The following AGBL4 variants were observed in gnomAD, a reference collection of about 807,000 sequenced individuals.
AGBL4 encodes the protein cytosolic carboxypeptidase 6.
AGBL4 carries 58 observed loss-of-function variants against 66.4 expected under a neutral mutation model. The observed-to-expected ratio is 0.87, with a 90% CI of 0.71 to 1.09. The LOEUF (loss-of-function observed/expected upper bound fraction) is 1.09, where lower values mean the gene tolerates loss of function less well. Among genes scored for constraint, AGBL4 ranks in the 50% least tolerant of loss-of-function variants. The pLI, the probability that AGBL4 is intolerant of heterozygous loss-of-function variation, is 0.00. For synonymous variants in AGBL4, 234 were observed against 222.9 expected (o/e 1.05, Z -0.44); for missense variants, 579 against 631.0 (o/e 0.92, Z 0.88).
At chr1:48,752,821 C>G (rs750629533) in intron 6 of AGBL4, among the ~76,000 whole-genome samples, 3 of 152,064 alleles carry the variant, frequency 2.0e-5, no homozygotes, top group Non-Finnish European at 4.4e-5. Context: ...ATGATCTTGG[C>G]TCACTGCAAC....
chr1:49,117,652 G>A (rs373864067), intron 4 of AGBL4, among the ~76,000 whole-genome samples: 5 of 152,226 alleles, frequency 3.3e-5, no homozygotes, highest in South Asian at 2.1e-4. Flanking sequence ...GTCAAGTAGC[G>A]TGATGCCTCC....
intron 7 of AGBL4, among the ~76,000 whole-genome samples, chr1:48,656,127 G>A (rs1487820484): frequency 6.6e-6 from 1 of 152,242 alleles, no homozygotes; most frequent in East Asian, 1.9e-4. Context: ...CAGGAAGGCT[G>A]GAAGCTGGAG....
In AGBL4 at chr1:49,851,433, C is replaced by T; in HGVS notation, c.120G>A (p.Lys40=). 2 of 1,550,438 alleles carry T rather than the reference C, an allele frequency of 1.3e-6. No individual in the cohort carries two copies. The highest frequency in any genetic ancestry group is 1.7e-6 in the Non-Finnish European group (2 of 1,146,246). ...AAGCATCAAAGATAAGATGTCCTTT[C>T]TTGGGCTGTCCACAATAGCCAGTTG... ...VLPTGYCGQP[K]KGHLIFDACF... Residue 40 remains lysine, a synonymous_variant, in exon 2 of 14, where the codon AAG becomes AAA. Transcript: ENST00000371839.
At chr1:49,528,052 T>C (rs1350155723) in intron 3 of AGBL4, among the ~76,000 whole-genome samples, 1 of 152,122 alleles carries the variant, frequency 6.6e-6, no homozygotes, top group East Asian at 1.9e-4. Context: ...TCTGGGTACG[T>C]AGTCCCCTAC....
intron 3 of AGBL4, among the ~76,000 whole-genome samples, chr1:49,553,091 A>G (rs908281131): frequency 1.3e-5 from 2 of 152,210 alleles, no homozygotes; most frequent in African/African-American, 4.8e-5. Context: ...AAAAAAATAT[A>G]TTCAAAAAAT....
At chr1:49,500,097 G>A (rs1215986372) in intron 3 of AGBL4, among the ~76,000 whole-genome samples, 2 of 151,918 alleles carry the variant, frequency 1.3e-5, no homozygotes. Context: ...ATTGCATTGT[G>A]GTTTTAATTA....
In AGBL4 at chr1:48,707,315, A is replaced by AACG. The variant is rs560732218; in HGVS notation, c.635-44075_635-44074insCGT. Among the ~76,000 whole-genome samples, 51 of 152,264 alleles carry AACG rather than the reference A, an allele frequency of 3.3e-4. No individual in the cohort carries two copies. In the East Asian group the frequency reaches 9.1e-3, roughly 27 times the overall value. On this transcript the variant is annotated intron_variant, in intron 6 of 13. Transcript: ENST00000371839. ...TATCCAAAACAACAACAACAACAAC[A>AACG]ACAAAAACAGAAAAGAAAAAGACTT... is the stretch of plus-strand genomic sequence containing the variant.
chr1:49,454,077 G>A lies in AGBL4; in HGVS notation c.283-208213C>T, dbSNP rs921538695. On this transcript the variant is annotated intron_variant, in intron 3 of 13. Coordinates refer to ENST00000371839, the MANE Select transcript of AGBL4 (RefSeq NM_032785.4). ...AAAAAAACTAAATCCTAAAATGCAG[G>A]TTTCTTGAAGCTGCTGGAGATGTGA... is the stretch of plus-strand genomic sequence containing the variant. Among the ~76,000 whole-genome samples, 5 of 151,856 alleles carry A rather than the reference G, an allele frequency of 3.3e-5. No homozygotes were observed. In the South Asian group the frequency reaches 6.2e-4, roughly 19 times the overall value.
In AGBL4 at chr1:49,425,714, C is replaced by A. The variant is rs1645641572; in HGVS notation, c.283-179850G>T. ...AGTGCCTGGCTCAACTTAGCTATAG[C>A]CCCTCTCATCTCTGCCTCATGACCA... On this transcript the variant is annotated intron_variant, in intron 3 of 13. Transcript: ENST00000371839. 2.0e-5 allele frequency among the ~76,000 whole-genome samples: 3 copies of A among 152,176 alleles called. No homozygotes were observed. In the South Asian group the frequency reaches 6.2e-4, roughly 32 times the overall value.
intron 2 of AGBL4, among the ~76,000 whole-genome samples, chr1:49,699,948 C>A (rs543577449): frequency 6.6e-6 from 1 of 151,646 alleles, no homozygotes; most frequent in Non-Finnish European, 1.5e-5. Context: ...AATGAATATG[C>A]TAATTTGCTT....
rs770864739 is a variant in AGBL4, at chr1:49,245,873, GA to G, written c.283-10del. On this transcript the variant is annotated splice_polypyrimidine_tract_variant and intron_variant, in intron 3 of 13. Coordinates refer to ENST00000371839, the MANE Select transcript of AGBL4 (RefSeq NM_032785.4). ...ATGTTGAAAATGACCCTCTGAAAAA[GA>G]AAGAGGGAGAAGTTCATCTTTATGC... is the stretch of plus-strand genomic sequence containing the variant. 3.9e-5 allele frequency: 59 copies of G among 1,524,602 alleles called. No individual in the cohort carries two copies. Among genetic ancestry groups the G allele is most frequent in the Non-Finnish European group, 4.9e-5 (55 of 1,123,502 alleles). The allele number at this position is 1,524,602 out of a possible 1,614,324, so 94.4% of individuals were successfully genotyped here.
At chr1:49,109,496 T>C (rs1045151900) in intron 4 of AGBL4, among the ~76,000 whole-genome samples, 1 of 152,180 alleles carries the variant, frequency 6.6e-6, no homozygotes, top group Non-Finnish European at 1.5e-5. Context: ...CGTCCTTCCT[T>C]CCTCCCAGTG....
At chr1:49,335,200 T>C (rs927226682) in intron 3 of AGBL4, among the ~76,000 whole-genome samples, 2 of 152,214 alleles carry the variant, frequency 1.3e-5, no homozygotes, top group Non-Finnish European at 2.9e-5. Flanking sequence ...ACTCCGTTGC[T>C]CAGGTCAAAA....
intron 3 of AGBL4, among the ~76,000 whole-genome samples, chr1:49,376,104 C>A (rs180964685): frequency 6.6e-6 from 1 of 152,224 alleles, no homozygotes; most frequent in Non-Finnish European, 1.5e-5. Context: ...TTAACTCCAC[C>A]TACCTCTGCA....
In AGBL4 at chr1:48,742,724, C is replaced by T. The variant is rs200112741; in HGVS notation, c.635-79483G>A. 9.9e-6 allele frequency: 16 copies of T among 1,609,576 alleles called. No homozygotes were observed. The highest frequency in any genetic ancestry group is 5.1e-5 in the Admixed American group (3 of 59,382). ...CTGAAAGTGCTCCGTAACTCCGGCTCGGGCTCGAGACATTCTGACTTTACT... is the reference window on the plus strand; with the variant it reads ...CTGAAAGTGCTCCGTAACTCCGGCTTGGGCTCGAGACATTCTGACTTTACT... On this transcript the variant is annotated intron_variant, in intron 6 of 13. Transcript: ENST00000371839.
At chr1:49,846,332 A>G in intron 2 of AGBL4, 1 of 1,531,134 alleles carries the variant, frequency 6.5e-7, no homozygotes, top group Admixed American at 1.7e-5. Flanking sequence ...ATATGCATGC[A>G]GGGACTATGG....
At chr1:49,938,212 A>T (rs967638433) in intron 1 of AGBL4, among the ~76,000 whole-genome samples, 23 of 152,190 alleles carry the variant, frequency 1.5e-4, no homozygotes, top group Non-Finnish European at 2.2e-4. Context: ...AGAATACTAC[A>T]AACAACTCTA....
intron 1 of AGBL4, among the ~76,000 whole-genome samples, chr1:49,960,354 A>C (rs1246338599): frequency 6.6e-6 from 1 of 152,034 alleles, no homozygotes; most frequent in East Asian, 1.9e-4. Context: ...TCATATGTGA[A>C]AGCTAAAAGA....
chr1:49,203,155 T>C (rs1464779580), intron 4 of AGBL4, among the ~76,000 whole-genome samples: 1 of 151,378 alleles, frequency 6.6e-6, no homozygotes, highest in Non-Finnish European at 1.5e-5. Context: ...AAATGGAACT[T>C]TTGTGCACTG....
Sources: gnomAD v4.1 joint callset for allele counts (sites outside exome capture counted in the v4.1 genomes callset) on GRCh38, gnomAD v4.1.1 for gene constraint, MANE v1.5 for transcripts, NCBI Gene and HGNC (gene_info 2026-07-23, HGNC 2026-07-21) for gene names.